LPAR1: variants seen among roughly 807,000 people sequenced by gnomAD.
LPAR1 encodes LPA receptor 1.
In LPAR1, 5 loss-of-function variants were observed where a neutral mutation model predicts 23.8. That is an observed-to-expected ratio of 0.21 (90% confidence interval 0.11 to 0.44). LPAR1 has a LOEUF of 0.44. LPAR1 is among the 20% of genes least tolerant of loss of function. The pLI, the probability that LPAR1 is intolerant of heterozygous loss-of-function variation, is 0.99. For missense variants in LPAR1, 311 were observed against 482.8 expected, an observed-to-expected ratio of 0.64 and a Z score of 3.33; for synonymous variants, 160 against 164.7, an observed-to-expected ratio of 0.97 and a Z score of 0.22.
At chr9:110,961,121 G>A (rs1270649462) in intron 4 of LPAR1, among the ~76,000 whole-genome samples, 4 of 150,652 alleles carry the variant, frequency 2.7e-5, no homozygotes, top group East Asian at 1.9e-4. Context: ...TTACTGTGAT[G>A]AGCTAAGAGA....
rs781461787 is a variant in LPAR1, at chr9:110,942,031, G to A, written c.183C>T (p.Ile61=). The A allele has an allele frequency of 6.2e-7, 1 of 1,614,042 alleles. No individual in the cohort carries two copies. Among genetic ancestry groups the A allele is most frequent in the Non-Finnish European group, 8.5e-7 (1 of 1,180,026 alleles). The stretch of plus-strand genomic sequence containing the variant: ...CCAATAGGTTGGCCAACATGATGAA[G>A]ATACAAACAGTGATTCCAAGTCCCA... ...LVMGLGITVC[I]FIMLANLLVM... The change falls in exon 5 of 6, where the codon ATC becomes ATT. Residue 61 remains isoleucine, a synonymous_variant. Transcript: ENST00000683809.
At chr9:110,906,780 AAACAT>A (rs1405333094) in intron 5 of LPAR1, among the ~76,000 whole-genome samples, 2 of 152,194 alleles carry the variant, frequency 1.3e-5, no homozygotes, top group Non-Finnish European at 2.9e-5. Context: ...AGCAAATACA[AAACAT>A]AACAAATATA....
At chr9:110,991,819 C>T (rs1483346633) in intron 2 of LPAR1, among the ~76,000 whole-genome samples, 1 of 152,082 alleles carries the variant, frequency 6.6e-6, no homozygotes, top group Non-Finnish European at 1.5e-5. Context: ...TCTCAAACTC[C>T]TGACCTCAGG....
intron 4 of LPAR1, chr9:110,945,331 A>C (rs576807746): frequency 3.9e-5 from 6 of 152,284 alleles, no homozygotes; most frequent in African/African-American, 1.4e-4. Flanking sequence ...ATAATTATGG[A>C]ACATAATGGG....
chr9:111,028,298 G>T (rs906622989), intron 2 of LPAR1, among the ~76,000 whole-genome samples: 3 of 152,050 alleles, frequency 2.0e-5, no homozygotes, highest in African/African-American at 7.2e-5. Context: ...GGCCAGGCTG[G>T]TCTTGAACTC....
At chr9:110,963,165 C>A (rs914543145) in intron 4 of LPAR1, among the ~76,000 whole-genome samples, 24 of 152,256 alleles carry the variant, frequency 1.6e-4, no homozygotes, top group African/African-American at 5.5e-4. Flanking sequence ...AATAAACAAA[C>A]ATGAAAGGTG....
At chr9:110,924,427 G>A (rs1282286392) in intron 5 of LPAR1, among the ~76,000 whole-genome samples, 2 of 151,966 alleles carry the variant, frequency 1.3e-5, no homozygotes, top group South Asian at 4.1e-4. Flanking sequence ...AATTAGCAAA[G>A]GACTAGAAAG....
intron 4 of LPAR1, among the ~76,000 whole-genome samples, chr9:110,959,307 G>A (rs1459797547): frequency 6.7e-6 from 1 of 148,946 alleles, no homozygotes; most frequent in African/African-American, 2.6e-5. Context: ...AGGGAGGAAA[G>A]GAGGAAAGGA....
At chr9:111,017,580 A>G (rs2097479831) in intron 2 of LPAR1, among the ~76,000 whole-genome samples, 1 of 152,218 alleles carries the variant, frequency 6.6e-6, no homozygotes, top group Non-Finnish European at 1.5e-5. Flanking sequence ...ACACTAAACC[A>G]GCACAGGTAT....
intron 5 of LPAR1, among the ~76,000 whole-genome samples, chr9:110,894,289 T>A (rs548132689): frequency 2.2e-4 from 34 of 152,314 alleles, no homozygotes; most frequent in Non-Finnish European, 4.0e-4. Context: ...AGACCTGAGG[T>A]CAGATACTGT....
At chr9:111,009,523 T>G (rs2097286446) in intron 2 of LPAR1, among the ~76,000 whole-genome samples, 1 of 152,168 alleles carries the variant, frequency 6.6e-6, no homozygotes, top group Non-Finnish European at 1.5e-5. Flanking sequence ...TTTACAGACA[T>G]AAGTGTACAT....
intron 2 of LPAR1, among the ~76,000 whole-genome samples, chr9:110,990,817 C>G (rs894058583): frequency 1.3e-5 from 2 of 152,192 alleles, no homozygotes; most frequent in Middle Eastern, 3.4e-3. Flanking sequence ...ATTGCTAACG[C>G]TCTAACCAGA....
At chr9:110,940,431 G>A (rs1048009952) in intron 5 of LPAR1, among the ~76,000 whole-genome samples, 15 of 152,254 alleles carry the variant, frequency 9.9e-5, no homozygotes, top group African/African-American at 3.6e-4. Flanking sequence ...AGAATTATAG[G>A]AACTTTCCAT....
intron 4 of LPAR1, among the ~76,000 whole-genome samples, chr9:110,961,252 C>T (rs1302081500): frequency 6.7e-6 from 1 of 149,662 alleles, no homozygotes; most frequent in Non-Finnish European, 1.5e-5. Context: ...CCTAAGACTC[C>T]TATGAGTAAA....
Position 110,954,701 on chromosome 9 carries a change from AAAACAAAC to A in LPAR1, c.46-12541_46-12534del, listed in dbSNP as rs575335485. Among the ~76,000 whole-genome samples the A allele has an allele frequency of 2.6e-4, 39 of 152,284 alleles. No individual in the cohort carries two copies. In the South Asian group the frequency reaches 8.1e-3, roughly 32 times the overall value. ...TCATTCGAAGTGCTGAAGGAGGAAA[AAAACAAAC>A]AAACAAACAAACAAAAAAAACTGCC... On this transcript the variant is annotated intron_variant, in intron 4 of 5. Coordinates refer to ENST00000683809, the MANE Select transcript of LPAR1 (RefSeq NM_001351411.2).
chr9:110,877,838 A>G (rs1225098575), intron 5 of LPAR1, among the ~76,000 whole-genome samples: 1 of 152,206 alleles, frequency 6.6e-6, no homozygotes, highest in African/African-American at 2.4e-5. Context: ...ACAGAAGGGA[A>G]TATCTTTATT....
intron 5 of LPAR1, among the ~76,000 whole-genome samples, chr9:110,924,750 C>T (rs1372705145): frequency 6.6e-6 from 1 of 152,054 alleles, no homozygotes; most frequent in African/African-American, 2.4e-5. Context: ...ATACTTCATT[C>T]CCTAAACATC....
chr9:110,996,930 A>C (rs1208733546), intron 2 of LPAR1, among the ~76,000 whole-genome samples: 3 of 152,142 alleles, frequency 2.0e-5, no homozygotes, highest in Non-Finnish European at 2.9e-5. Flanking sequence ...AAGTTACATG[A>C]ACTCCTCCTC....
chr9:110,926,045 T>C (rs2094002024), intron 5 of LPAR1, among the ~76,000 whole-genome samples: 1 of 152,172 alleles, frequency 6.6e-6, no homozygotes, highest in South Asian at 2.1e-4. Flanking sequence ...CTCAGTCTCC[T>C]GAGTAGCTTG....
Sources: allele counts gnomAD v4.1 joint callset (sites outside exome capture counted in the v4.1 genomes callset), GRCh38; gene constraint gnomAD v4.1.1; transcripts MANE v1.5; gene names NCBI Gene and HGNC (gene_info 2026-07-23, HGNC 2026-07-21).